Variants in CWC27 observed in about 807,000 individuals in gnomAD.
CWC27 encodes the protein spliceosome-associated protein CWC27 homolog.
Under a neutral mutation model 63.6 loss-of-function variants are expected in CWC27, and 47 were observed. The ratio of observed to expected loss-of-function variants is 0.74; its 90% CI spans 0.58 to 0.94. The LOEUF is 0.94. Among genes scored for constraint, CWC27 ranks in the 40% least tolerant of loss-of-function variants. CWC27 has a pLI of 0.00. For synonymous variants in CWC27, 175 were observed against 179.8 expected (o/e 0.97, Z 0.22); for missense variants, 495 against 554.3 (o/e 0.89, Z 1.07).
intron 13 of CWC27, among the ~76,000 whole-genome samples, chr5:65,017,276 G>A (rs555452592): frequency 1.1e-4 from 16 of 152,098 alleles, no homozygotes; most frequent in Non-Finnish European, 1.5e-4. Flanking sequence ...AGCCGAGATC[G>A]CGCCACTGCA....
chr5:64,958,871 A>C (rs1273231417), intron 11 of CWC27, among the ~76,000 whole-genome samples: 1 of 152,160 alleles, frequency 6.6e-6, no homozygotes, highest in African/African-American at 2.4e-5. Flanking sequence ...AATTACACAT[A>C]ATCAGTGTTC....
chr5:64,907,884 C>A (rs183693157), intron 11 of CWC27, among the ~76,000 whole-genome samples: 1 of 152,260 alleles, frequency 6.6e-6, no homozygotes, highest in East Asian at 1.9e-4. Context: ...TCTCCATCTC[C>A]TTCAGTTCTG....
chr5:64,870,499 AT>A (rs1379026639), intron 10 of CWC27, among the ~76,000 whole-genome samples: 8 of 150,754 alleles, frequency 5.3e-5, no homozygotes, highest in Non-Finnish European at 1.0e-4. Flanking sequence ...AAAAAAAAAA[AT>A]ACATGATCCA....
chr5:64,929,638 G>T (rs540394358), intron 11 of CWC27, among the ~76,000 whole-genome samples: 1 of 151,976 alleles, frequency 6.6e-6, no homozygotes, highest in Non-Finnish European at 1.5e-5. Flanking sequence ...AGGGAAATGC[G>T]AATCAAAACC....
chr5:64,855,413 A>C (rs1329964388), intron 10 of CWC27, among the ~76,000 whole-genome samples: 1 of 152,150 alleles, frequency 6.6e-6, no homozygotes, highest in African/African-American at 2.4e-5. Context: ...CATTATATAG[A>C]TAATGTTGAT....
At position 64,788,993 on chromosome 5, in the gene CWC27, A is replaced by C; in HGVS notation, c.642A>C (p.Glu214Asp). Residue 214 changes from glutamate to aspartate, a missense_variant, in exon 7 of 14, where the codon GAA becomes GAC. Coordinates refer to ENST00000381070, the MANE Select transcript of CWC27 (RefSeq NM_005869.4). ...LLSFGEEAEE[E>D]EEEVNRVSQS... ...CATTTGGAGAGGAAGCTGAGGAAGA[A>C]GAGGAGGAAGTAAATCGAGTTAGTC... 1.9e-6 allele frequency: 3 copies of C among 1,605,048 alleles called. No homozygotes were observed. Among genetic ancestry groups the C allele is most frequent in the Non-Finnish European group, 2.6e-6 (3 of 1,175,786 alleles).
chr5:64,973,048 G>T (rs558529922), intron 12 of CWC27, among the ~76,000 whole-genome samples: 1 of 152,286 alleles, frequency 6.6e-6, no homozygotes, highest in South Asian at 2.1e-4. Flanking sequence ...AGACAGCCAG[G>T]TAGAGGCAGA....
Position 64,993,979 on chromosome 5 carries a change from C to T in CWC27, c.1256+16741C>T, listed in dbSNP as rs555640038. On this transcript the variant is annotated intron_variant, in intron 13 of 13. Coordinates refer to ENST00000381070, the MANE Select transcript of CWC27 (RefSeq NM_005869.4). The stretch of plus-strand genomic sequence containing the variant: ...CTTTGTGAAAGAAGATGCATAATTT[C>T]TACATAGTTGTCTGTATTTCTTTAA... Among the ~76,000 whole-genome samples the T allele has an allele frequency of 2.6e-5, 4 of 152,232 alleles. No homozygotes were observed. In the East Asian group the frequency reaches 7.7e-4, roughly 29 times the overall value.
chr5:65,016,373 C>A (rs184351187), intron 13 of CWC27, among the ~76,000 whole-genome samples: 68 of 152,104 alleles, frequency 4.5e-4, no homozygotes, highest in African/African-American at 1.5e-3. Context: ...TGGTGGCATG[C>A]GCTTGTAATC....
chr5:64,829,776 A>G (rs1343952915), intron 10 of CWC27, among the ~76,000 whole-genome samples: 1 of 150,732 alleles, frequency 6.6e-6, no homozygotes, highest in East Asian at 2.0e-4. Context: ...TATTTCTTCT[A>G]ATGCTATCCC....
rs970239657 is a variant in CWC27, at chr5:64,960,687, G to C, written c.1043-11016G>C. Reference sequence around the variant, plus strand: ...TTACCACATCACCTTTATTTAGTTAGCAAAAATTTTCTTGAAATAGTAAAT... The same window carrying C: ...TTACCACATCACCTTTATTTAGTTACCAAAAATTTTCTTGAAATAGTAAAT... On this transcript the variant is annotated intron_variant, in intron 11 of 13. Transcript: ENST00000381070. Among the ~76,000 whole-genome samples the C allele has an allele frequency of 3.9e-5, 6 of 151,970 alleles. 1 individual carries two copies. The highest frequency in any genetic ancestry group is 3.9e-4 in the Admixed American group (6 of 15,268).
chr5:64,917,027 G>A (rs192927870), intron 11 of CWC27, among the ~76,000 whole-genome samples: 2 of 152,014 alleles, frequency 1.3e-5, no homozygotes, highest in East Asian at 3.9e-4. Flanking sequence ...GGATTAATAG[G>A]GATGTTGTCA....
At chr5:64,795,840 T>G (rs974380292) in intron 7 of CWC27, among the ~76,000 whole-genome samples, 6 of 152,158 alleles carry the variant, frequency 3.9e-5, no homozygotes, top group African/African-American at 1.4e-4. Context: ...GTCTAATGAA[T>G]GTCTAAACTA....
At chr5:64,785,707 T>G in intron 5 of CWC27, 128 bp downstream of exon 5, 3 of 527,512 alleles carry the variant, frequency 5.7e-6, no homozygotes, top group Non-Finnish European at 9.9e-6. Flanking sequence ...ATTTTATCTC[T>G]AATTTATTTG....
intron 11 of CWC27, among the ~76,000 whole-genome samples, chr5:64,923,026 C>T (rs1040022366): frequency 2.6e-5 from 4 of 152,136 alleles, no homozygotes; most frequent in African/African-American, 9.7e-5. Context: ...CTGCTGGCAA[C>T]AGTACTCTGT....
chr5:64,943,059 A>T (rs937864465), intron 11 of CWC27, among the ~76,000 whole-genome samples: 4 of 152,216 alleles, frequency 2.6e-5, no homozygotes, highest in African/African-American at 9.6e-5. Flanking sequence ...TGAAAGTCTT[A>T]AATGTTTAAA....
At chr5:64,938,101 T>C (rs1561163426) in intron 11 of CWC27, among the ~76,000 whole-genome samples, 1 of 152,192 alleles carries the variant, frequency 6.6e-6, no homozygotes, top group African/African-American at 2.4e-5. Context: ...TTAGCCCATT[T>C]ACATTTAAGG....
chr5:64,969,667 A>T (rs1161306068), intron 11 of CWC27, among the ~76,000 whole-genome samples: 1 of 151,550 alleles, frequency 6.6e-6, no homozygotes, highest in Non-Finnish European at 1.5e-5. Context: ...AATAAGAAAA[A>T]AAAATGAGGA....
chr5:64,927,875 C>T (rs1748150133), intron 11 of CWC27, among the ~76,000 whole-genome samples: 1 of 152,168 alleles, frequency 6.6e-6, no homozygotes, highest in Non-Finnish European at 1.5e-5. Flanking sequence ...CAGCAGTCAG[C>T]CGGGCACGGT....
Sources: allele counts gnomAD v4.1 joint callset (sites outside exome capture counted in the v4.1 genomes callset), GRCh38; gene constraint gnomAD v4.1.1; transcripts MANE v1.5; gene names NCBI Gene and HGNC (gene_info 2026-07-23, HGNC 2026-07-21).